KIF6: variants seen among roughly 807,000 people sequenced by gnomAD.
The protein encoded by KIF6 is kinesin family member 6.
Under a neutral mutation model 112.7 loss-of-function variants are expected in KIF6, and 106 were observed. The observed-to-expected ratio is 0.94, with a 90% CI of 0.80 to 1.11. KIF6 has a LOEUF of 1.11. KIF6 is among the 50% of genes least tolerant of loss of function. The pLI is 0.00. For missense variants in KIF6, 929 were observed against 964.0 expected, an observed-to-expected ratio of 0.96 and a Z score of 0.48; for synonymous variants, 339 against 339.9, an observed-to-expected ratio of 1.00 and a Z score of 0.03.
At chr6:39,621,194 TAG>T (rs1447291598) in intron 5 of KIF6, among the ~76,000 whole-genome samples, 1 of 120,204 alleles carries the variant, frequency 8.3e-6, no homozygotes, top group African/African-American at 3.6e-5. Flanking sequence ...CACCGTAAGA[TAG>T]ACACACACAC....
At chr6:39,341,852 C>T (rs1446616140) in intron 22 of KIF6, among the ~76,000 whole-genome samples, 1 of 152,226 alleles carries the variant, frequency 6.6e-6, no homozygotes. Flanking sequence ...AAGCCACAAT[C>T]ATCCCTTGCT....
At chr6:39,420,738 T>C in intron 14 of KIF6, among the ~76,000 whole-genome samples, 1 of 152,200 alleles carries the variant, frequency 6.6e-6, no homozygotes, top group East Asian at 1.9e-4. Flanking sequence ...ACCCCGTCTT[T>C]TATAGAGCCA....
At chr6:39,588,348 G>A (rs1781748586) in intron 7 of KIF6, among the ~76,000 whole-genome samples, 1 of 152,024 alleles carries the variant, frequency 6.6e-6, no homozygotes, top group Admixed American at 6.6e-5. Context: ...GGAGTAGCTG[G>A]GATTACAGGC....
chr6:39,495,786 T>C (rs9462553), intron 13 of KIF6, among the ~76,000 whole-genome samples: 31,619 of 152,118 alleles, frequency 0.21, 3,673 homozygotes, highest in African/African-American at 0.31. Context: ...TCACTGAGTT[T>C]CTGCCAGGAC....
chr6:39,494,132 C>T (rs1775635684), intron 13 of KIF6, among the ~76,000 whole-genome samples: 1 of 152,082 alleles, frequency 6.6e-6, no homozygotes, highest in African/African-American at 2.4e-5. Context: ...TCTTTTTTGT[C>T]TAATGTTTAT....
Position 39,336,549 on chromosome 6 carries a change from C to T in KIF6, c.2429-1G>A. ...CTGGAAATTCAATTGCTTCCCAAAC[C>T]TGAAAGGGAGACAGGATGCTTTTGG... On this transcript the variant is annotated splice_acceptor_variant, in intron 22 of 22. Coordinates refer to ENST00000287152, the MANE Select transcript of KIF6 (RefSeq NM_145027.6). LOFTEE classifies it high-confidence loss of function. 1.2e-6 allele frequency: 2 copies of T among 1,614,010 alleles called. No individual in the cohort carries two copies. The highest frequency in any genetic ancestry group is 8.5e-7 in the Non-Finnish European group (1 of 1,179,902).
chr6:39,348,761 G>A (rs1343543673), intron 19 of KIF6, among the ~76,000 whole-genome samples: 1 of 152,188 alleles, frequency 6.6e-6, no homozygotes, highest in African/African-American at 2.4e-5. Context: ...GGGAAGTGAT[G>A]AATCAGGTTT....
At chr6:39,628,263 T>C (rs1009910685) in intron 5 of KIF6, among the ~76,000 whole-genome samples, 1 of 152,122 alleles carries the variant, frequency 6.6e-6, no homozygotes, top group African/African-American at 2.4e-5. Context: ...TGTGTGTGTG[T>C]GTGTATACAT....
intron 16 of KIF6, among the ~76,000 whole-genome samples, chr6:39,362,793 C>T (rs1765262819): frequency 6.6e-6 from 1 of 152,138 alleles, no homozygotes; most frequent in African/African-American, 2.4e-5. Flanking sequence ...CTATTGAGCT[C>T]ATTCATTTCC....
At chr6:39,686,044 T>C (rs1332692176) in intron 3 of KIF6, among the ~76,000 whole-genome samples, 1 of 152,242 alleles carries the variant, frequency 6.6e-6, no homozygotes, top group Non-Finnish European at 1.5e-5. Flanking sequence ...GGTTGGATTT[T>C]AAACCATCTC....
At chr6:39,551,592 A>T (rs1251086215) in intron 10 of KIF6, among the ~76,000 whole-genome samples, 1 of 152,228 alleles carries the variant, frequency 6.6e-6, no homozygotes, top group Non-Finnish European at 1.5e-5. Flanking sequence ...TTGTATCAAA[A>T]TATCACATGT....
intron 13 of KIF6, among the ~76,000 whole-genome samples, chr6:39,537,060 G>A (rs1248414899): frequency 2.6e-5 from 4 of 152,020 alleles, no homozygotes; most frequent in Admixed American, 1.3e-4. Flanking sequence ...TTGATGGGAC[G>A]TATCTCAAAA....
intron 7 of KIF6, among the ~76,000 whole-genome samples, chr6:39,593,699 G>A (rs568413910): frequency 3.3e-4 from 50 of 152,282 alleles, no homozygotes; most frequent in African/African-American, 1.0e-3. Context: ...CCCCTGGGCT[G>A]GAACTAAGAG....
In KIF6 at chr6:39,362,498, C is replaced by T. The variant is rs764049293; in HGVS notation, c.1882G>A (p.Val628Met). 89 of 1,613,714 alleles carry T rather than the reference C, an allele frequency of 5.5e-5. No individual in the cohort carries two copies. The highest frequency in any genetic ancestry group is 1.7e-4 in the Admixed American group (10 of 60,002). Residue 628 changes from valine to methionine, a missense_variant, in exon 17 of 23, where the codon GTG (valine) becomes ATG (methionine). This residue lies in a region of KIF6 where 241 missense variants were observed against 301.4 expected (regional missense o/e 0.80). Coordinates refer to ENST00000287152, the MANE Select transcript of KIF6 (RefSeq NM_145027.6). ...VALGISENMA[V>M]PLMPDQQEEK... ...TCCTGCTGGTCTGGCATCAGAGGCACGGCCATGTTTTCCGAGATTCCTGTA... is the reference window on the plus strand; with the variant it reads ...TCCTGCTGGTCTGGCATCAGAGGCATGGCCATGTTTTCCGAGATTCCTGTA...
chr6:39,524,753 C>T (rs112197180), intron 13 of KIF6, among the ~76,000 whole-genome samples: 102 of 152,320 alleles, frequency 6.7e-4, no homozygotes, highest in African/African-American at 2.2e-3. Flanking sequence ...TGCAATACAG[C>T]TCATCTTCTC....
intron 13 of KIF6, among the ~76,000 whole-genome samples, chr6:39,488,093 T>C (rs1378692728): frequency 6.6e-6 from 1 of 152,088 alleles, no homozygotes; most frequent in Non-Finnish European, 1.5e-5. Flanking sequence ...CTCTAATAAT[T>C]TCTATTATAT....
chr6:39,509,845 G>A (rs1776660372), intron 13 of KIF6, among the ~76,000 whole-genome samples: 1 of 152,086 alleles, frequency 6.6e-6, no homozygotes, highest in African/African-American at 2.4e-5. Context: ...AACCTAGCAA[G>A]GCAGGCCAAC....
chr6:39,391,722 G>A (rs887255355), intron 15 of KIF6, among the ~76,000 whole-genome samples: 2 of 152,194 alleles, frequency 1.3e-5, no homozygotes. Context: ...AAAAAAGATA[G>A]TCAAGTTCAA....
chr6:39,526,424 C>T (rs1488458268), intron 13 of KIF6, among the ~76,000 whole-genome samples: 1 of 152,192 alleles, frequency 6.6e-6, no homozygotes, highest in Non-Finnish European at 1.5e-5. Context: ...TGAAAGACAG[C>T]TCCATCAACC....
Sources: gnomAD v4.1 joint callset for allele counts (sites outside exome capture counted in the v4.1 genomes callset) on GRCh38, gnomAD v4.1.1 for gene constraint, gnomAD v4.1.1 regional missense constraint, MANE v1.5 for transcripts, NCBI Gene and HGNC (gene_info 2026-07-23, HGNC 2026-07-21) for gene names.